Variants in TRPA1 observed in about 807,000 individuals in gnomAD.
The protein encoded by TRPA1 is ankyrin-like with transmembrane domains 1.
Under a neutral mutation model 131.3 loss-of-function variants are expected in TRPA1, and 129 were observed. The ratio of observed to expected loss-of-function variants is 0.98; its 90% CI spans 0.85 to 1.14. TRPA1 has a LOEUF of 1.14. TRPA1 is among the 50% of genes most tolerant of loss of function. The pLI is 0.00. For missense variants in TRPA1, 1,304 were observed against 1,354.2 expected (o/e 0.96, Z 0.58); for synonymous variants, 441 against 451.7 (o/e 0.98, Z 0.30).
intron 7 of TRPA1, among the ~76,000 whole-genome samples, chr8:72,061,058 A>T: frequency 6.6e-6 from 1 of 152,110 alleles, no homozygotes; most frequent in Admixed American, 6.5e-5. Flanking sequence ...AAAAGAATTG[A>T]ATTTCCAGTC....
chr8:72,043,815 CA>C (rs1812338048), intron 17 of TRPA1, among the ~76,000 whole-genome samples: 6 of 151,864 alleles, frequency 4.0e-5, no homozygotes, highest in Admixed American at 2.6e-4. Flanking sequence ...TAATTTTCAT[CA>C]GCACTCTATT....
chr8:72,039,708 A>G lies in TRPA1; in HGVS notation c.2132+19T>C, dbSNP rs1310901254. On this transcript the variant is annotated intron_variant, in intron 18 of 26. Coordinates refer to ENST00000262209, the MANE Select transcript of TRPA1 (RefSeq NM_007332.3). ...CCAATAGACACAGCATTAAACAAGA[A>G]ATACTACTCAATACCCACCATTTCA... The G allele has an allele frequency of 5.9e-6, 9 of 1,513,302 alleles. No individual in the cohort carries two copies. The highest frequency in any genetic ancestry group is 1.4e-5 in the African/African-American group (1 of 72,864). 93.7% of individuals were successfully genotyped at this position (1,513,302 alleles called of 1,614,324 possible).
chr8:72,058,810 T>C (rs1405533579), intron 8 of TRPA1, among the ~76,000 whole-genome samples: 2 of 152,220 alleles, frequency 1.3e-5, no homozygotes, highest in African/African-American at 4.8e-5. Context: ...GCTGATATGG[T>C]GCAGCTTACG....
At chr8:72,056,818 A>G (rs1805677639) in intron 10 of TRPA1, 99 bp downstream of exon 10, 1 of 838,614 alleles carries the variant, frequency 1.2e-6, no homozygotes, top group Non-Finnish European at 1.9e-6. Flanking sequence ...TTAAAATTCC[A>G]GAATCAGTTT....
chr8:72,088,091 C>G, the TRPA1 span, among the ~76,000 whole-genome samples: 4 of 152,238 alleles, frequency 2.6e-5, no homozygotes, highest in African/African-American at 9.6e-5. Flanking sequence ...GCTAGCCTAG[C>G]TCTCACCTTC....
At chr8:72,050,926 C>T in intron 14 of TRPA1, 55 bp from the exon 15 acceptor site, 1 of 1,242,694 alleles carries the variant, frequency 8.0e-7, no homozygotes, top group Non-Finnish European at 1.2e-6. Flanking sequence ...CTGTTCTGTA[C>T]AACAGCTGAA....
chr8:72,061,568 T>C, intron 7 of TRPA1, 57 bp downstream of exon 7: 1 of 1,607,012 alleles, frequency 6.2e-7, no homozygotes, highest in Admixed American at 1.7e-5. Context: ...TTGCAATGTC[T>C]AATTTCACTC....
At chr8:72,029,377 T>C (rs1373356136) in intron 24 of TRPA1, among the ~76,000 whole-genome samples, 1 of 152,180 alleles carries the variant, frequency 6.6e-6, no homozygotes, top group Non-Finnish European at 1.5e-5. Flanking sequence ...TCTAAGATTG[T>C]TCTCGGACAT....
upstream of TRPA1, among the ~76,000 whole-genome samples, chr8:72,077,179 G>A (rs1412862628): frequency 6.6e-6 from 1 of 151,880 alleles, no homozygotes; most frequent in Non-Finnish European, 1.5e-5. Flanking sequence ...GGCAAAAACT[G>A]AATAAAGAGG....
intron 4 of TRPA1, among the ~76,000 whole-genome samples, chr8:72,065,055 C>A (rs1349244679): frequency 6.6e-6 from 1 of 152,202 alleles, no homozygotes; most frequent in Non-Finnish European, 1.5e-5. Context: ...AATAAGTCTG[C>A]AACTGACTAT....
intron 17 of TRPA1, among the ~76,000 whole-genome samples, chr8:72,046,226 T>G (rs1013181812): frequency 1.3e-5 from 2 of 152,068 alleles, no homozygotes; most frequent in African/African-American, 2.4e-5. Context: ...AGGATTGCTT[T>G]CTTTATTAAC....
chr8:72,052,924 A>G (rs1805549417), intron 13 of TRPA1, 159 bp from the exon 14 acceptor site: 1 of 703,186 alleles, frequency 1.4e-6, no homozygotes, highest in African/African-American at 1.8e-5. Context: ...TAATGAGTTT[A>G]TAGTTCTAGC....
At position 72,022,853 on chromosome 8, in the gene TRPA1, G is replaced by A; in HGVS notation, c.*53C>T. ...CTCACTCTTTTTAAATTGAAAGTTA[G>A]AACCAGCAAGTCATGCACCCCCCAT... On this transcript the variant is annotated 3_prime_UTR_variant, in exon 27 of 27. Coordinates refer to ENST00000262209, the MANE Select transcript of TRPA1 (RefSeq NM_007332.3). The A allele has an allele frequency of 6.6e-7, 1 of 1,519,848 alleles. No homozygotes were observed. Among genetic ancestry groups the A allele is most frequent in the Non-Finnish European group, 9.1e-7 (1 of 1,096,710 alleles). 94.1% of individuals were successfully genotyped at this position (1,519,848 alleles called of 1,614,324 possible). A position where few individuals can be genotyped will look rare whatever the true frequency, so the allele number is the denominator to read the frequency against.
the TRPA1 span, among the ~76,000 whole-genome samples, chr8:72,081,220 T>C: frequency 6.6e-6 from 1 of 151,888 alleles, no homozygotes; most frequent in Non-Finnish European, 1.5e-5. Flanking sequence ...ATTTGGCGTG[T>C]TTTCAGTTCT....
Position 72,052,732 on chromosome 8 carries a change from G to A in TRPA1, c.1678C>T (p.His560Tyr), listed in dbSNP as rs761137453. Residue 560 changes from histidine to tyrosine, a missense_variant, in exon 14 of 27, where the codon CAC becomes TAC. Physicochemically the swap from His to Tyr is moderately conservative, Grantham distance 83. Coordinates refer to ENST00000262209, the MANE Select transcript of TRPA1 (RefSeq NM_007332.3). ...TALHFAAREG[H>Y]AKAVALLLSH... ...AGAAGAAGCGCAACGGCTTTGGCGTGGCCTTCCCTTGCAGCAAAGTGAAGT... is the reference window on the plus strand; with the variant it reads ...AGAAGAAGCGCAACGGCTTTGGCGTAGCCTTCCCTTGCAGCAAAGTGAAGT... 3.1e-6 allele frequency: 5 copies of A among 1,613,424 alleles called. No homozygotes were observed. Among genetic ancestry groups the A allele is most frequent in the African/African-American group, 1.3e-5 (1 of 74,884 alleles).
intron 23 of TRPA1, among the ~76,000 whole-genome samples, chr8:72,031,112 A>T (rs982100023): frequency 6.6e-6 from 1 of 152,250 alleles, no homozygotes; most frequent in Non-Finnish European, 1.5e-5. Context: ...TAAACAAAAC[A>T]GTCACAGAAT....
chr8:72,056,230 A>G, intron 10 of TRPA1: 1 of 280,834 alleles, frequency 3.6e-6, no homozygotes, highest in Non-Finnish European at 6.8e-6. Flanking sequence ...TCATGTTAAT[A>G]TGTTCTGTTA....
At chr8:72,041,228 A>C (rs535491090) in intron 17 of TRPA1, 2 of 152,180 alleles carry the variant, frequency 1.3e-5, no homozygotes, top group East Asian at 1.9e-4. Flanking sequence ...CAAACTTAGA[A>C]CTGAAGGGAG....
intron 18 of TRPA1, 96 bp from the exon 19 acceptor site, chr8:72,039,123 A>C (rs1812158598): frequency 8.2e-7 from 1 of 1,217,234 alleles, no homozygotes; most frequent in Admixed American, 1.8e-5. Context: ...TCTTTCAGAA[A>C]CCTTGTTGGT....
Sources: gnomAD v4.1 joint callset for allele counts (sites outside exome capture counted in the v4.1 genomes callset) on GRCh38, gnomAD v4.1.1 for gene constraint, MANE v1.5 for transcripts, NCBI Gene and HGNC (gene_info 2026-07-23, HGNC 2026-07-21) for gene names.